Variants in VPS13B observed in about 807,000 individuals in gnomAD.
VPS13B encodes intermembrane lipid transfer protein VPS13B.
In VPS13B, 285 loss-of-function variants were observed where a neutral mutation model predicts 426.4. The observed-to-expected ratio is 0.67, with a 90% CI of 0.61 to 0.74. The LOEUF (loss-of-function observed/expected upper bound fraction) is 0.74. Ranked by LOEUF, VPS13B falls within the 30% of genes least tolerant of loss-of-function variation. The probability of loss-of-function intolerance (pLI) is 0.00; values close to 1 mark genes in which losing one functional copy is unlikely to be tolerated. For synonymous variants in VPS13B, 1,676 were observed against 1,676.4 expected, an observed-to-expected ratio of 1.00 and a Z score of 0.01; for missense variants, 4,537 against 4,782.6, an observed-to-expected ratio of 0.95 and a Z score of 1.51.
Position 99,871,583 on chromosome 8 carries a change from G to A in VPS13B, c.11631G>A (p.Glu3877=), listed in dbSNP as rs1183118795. 2.5e-6 allele frequency: 4 copies of A among 1,614,176 alleles called. No homozygotes were observed. The highest frequency in any genetic ancestry group is 3.4e-6 in the Non-Finnish European group (4 of 1,180,028). ...SEVLFVVSVS[E]DTQQQAFPVT... ...TGCTCTTCGTGGTGAGTGTCAGTGA[G>A]GACACACAGCAGCAGGCCTTCCCCG... The change falls in exon 61 of 62, where the codon GAG becomes GAA. Residue 3877 remains glutamate, a synonymous_variant. Transcript: ENST00000357162.
At chr8:99,103,825 A>G (rs984569200) in intron 5 of VPS13B, among the ~76,000 whole-genome samples, 1 of 151,900 alleles carries the variant, frequency 6.6e-6, no homozygotes, top group Non-Finnish European at 1.5e-5. Flanking sequence ...TTGTAGAGAC[A>G]AGGTTTTGCC....
At chr8:99,418,067 A>AT (rs1370193449) in intron 21 of VPS13B, among the ~76,000 whole-genome samples, 2 of 151,978 alleles carry the variant, frequency 1.3e-5, no homozygotes, top group Non-Finnish European at 2.9e-5. Flanking sequence ...GAGTTTTTTG[A>AT]TTTTTTGTTT....
chr8:99,768,253 A>G (rs1811325852), intron 40 of VPS13B, among the ~76,000 whole-genome samples: 1 of 152,070 alleles, frequency 6.6e-6, no homozygotes. Flanking sequence ...TTTATGTAAT[A>G]CCTTCTTCTT....
intron 3 of VPS13B, among the ~76,000 whole-genome samples, chr8:99,058,879 T>G (rs1844029723): frequency 6.6e-6 from 1 of 152,126 alleles, no homozygotes; most frequent in Non-Finnish European, 1.5e-5. Context: ...ATTTAGATTC[T>G]TTTCAGACTT....
chr8:99,234,860 T>TA (rs1402693850), intron 17 of VPS13B, among the ~76,000 whole-genome samples: 1 of 152,258 alleles, frequency 6.6e-6, no homozygotes, highest in African/African-American at 2.4e-5. Flanking sequence ...AAGATTGAAT[T>TA]AAAAGGAGAA....
chr8:99,572,677 C>T (rs1043955127), intron 31 of VPS13B, among the ~76,000 whole-genome samples: 9 of 152,152 alleles, frequency 5.9e-5, no homozygotes, highest in African/African-American at 1.9e-4. Context: ...GTATATGTGC[C>T]ACATTTTCTT....
intron 23 of VPS13B, among the ~76,000 whole-genome samples, chr8:99,465,702 T>C (rs1304925920): frequency 6.6e-6 from 1 of 152,120 alleles, no homozygotes; most frequent in Non-Finnish European, 1.5e-5. Context: ...ATTTTTTAAA[T>C]AGCATGGAAT....
chr8:99,170,081 G>A lies in VPS13B; in HGVS notation c.2251G>A (p.Gly751Arg). ...QAGLTSLDCS[G>R]SYCLPVPVIP... is the part of the protein sequence containing the mutation. ...AGGACTGACGTCTTTGGATTGCAGT[G>A]GATCTTACTGCTTACCTGTACCAGT... The change falls in exon 16 of 62, where the codon GGA becomes AGA. Residue 751 changes from glycine to arginine, a missense_variant. By Grantham distance (125) the Gly-to-Arg change is moderately radical. Transcript: ENST00000357162. 6.2e-7 allele frequency: 1 copy of A among 1,612,826 alleles called. No individual in the cohort carries two copies. Among genetic ancestry groups the A allele is most frequent in the Non-Finnish European group, 8.5e-7 (1 of 1,179,006 alleles).
intron 19 of VPS13B, among the ~76,000 whole-genome samples, chr8:99,358,002 T>TCACACACACACACA (rs34418547): frequency 2.8e-5 from 4 of 144,418 alleles, no homozygotes; most frequent in African/African-American, 1.0e-4. Flanking sequence ...GGATTAAATA[T>TCACACACACACACA]CACACACACA....
At chr8:99,848,439 T>G (rs1318156011) in intron 54 of VPS13B, among the ~76,000 whole-genome samples, 3 of 152,130 alleles carry the variant, frequency 2.0e-5, no homozygotes, top group Admixed American at 2.0e-4. Context: ...CCCACAAAGA[T>G]CCATATGCAC....
Position 99,238,178 on chromosome 8 carries a change from T to G in VPS13B, c.2516-36020T>G, listed in dbSNP as rs192517161. Among the ~76,000 whole-genome samples, 957 of 152,258 alleles carry G rather than the reference T, an allele frequency of 6.3e-3. 7 individuals are homozygous for G. The highest frequency in any genetic ancestry group is 0.022 in the African/African-American group (899 of 41,546). Reference sequence around the variant, plus strand: ...TTTATAATTTCAAAGTGCCCTATACTTCCACTGTCATAGTACTTATATTAA... The same window carrying G: ...TTTATAATTTCAAAGTGCCCTATACGTCCACTGTCATAGTACTTATATTAA... On this transcript the variant is annotated intron_variant, in intron 17 of 61. Coordinates refer to ENST00000357162, the MANE Select transcript of VPS13B (RefSeq NM_152564.5).
At chr8:99,609,515 A>G (rs920179724) in intron 33 of VPS13B, among the ~76,000 whole-genome samples, 8 of 152,168 alleles carry the variant, frequency 5.3e-5, no homozygotes, top group African/African-American at 7.2e-5. Context: ...GAAGTACCCA[A>G]TTTGGAGGAA....
chr8:99,470,001 C>T (rs548168182), intron 24 of VPS13B, among the ~76,000 whole-genome samples: 1 of 152,282 alleles, frequency 6.6e-6, no homozygotes, highest in South Asian at 2.1e-4. Flanking sequence ...GGATTGTACT[C>T]AGAATCTCAG....
intron 30 of VPS13B, among the ~76,000 whole-genome samples, chr8:99,533,262 A>G (rs1315181261): frequency 6.6e-6 from 1 of 152,172 alleles, no homozygotes; most frequent in Non-Finnish European, 1.5e-5. Context: ...TTTTAAAATC[A>G]TAGTTTACTA....
intron 3 of VPS13B, among the ~76,000 whole-genome samples, chr8:99,068,611 T>C (rs956123469): frequency 6.6e-6 from 1 of 152,190 alleles, no homozygotes; most frequent in Non-Finnish European, 1.5e-5. Flanking sequence ...AAAGAAAAGG[T>C]TTAATTGACT....
intron 23 of VPS13B, among the ~76,000 whole-genome samples, chr8:99,461,411 T>C (rs1316164335): frequency 2.6e-5 from 4 of 152,182 alleles, no homozygotes; most frequent in Non-Finnish European, 5.9e-5. Flanking sequence ...TCCAGCTCTT[T>C]GACATCTGAG....
chr8:99,059,291 C>A (rs774799863), intron 3 of VPS13B, among the ~76,000 whole-genome samples: 6 of 152,138 alleles, frequency 3.9e-5, no homozygotes, highest in Non-Finnish European at 5.9e-5. Flanking sequence ...CGGAAGCCAC[C>A]AATGCCCGGC....
chr8:99,348,429 A>G (rs1811666806), intron 19 of VPS13B, among the ~76,000 whole-genome samples: 1 of 152,254 alleles, frequency 6.6e-6, no homozygotes, highest in South Asian at 2.1e-4. Flanking sequence ...AGATGAAATC[A>G]AGATTGTTAA....
intron 21 of VPS13B, chr8:99,424,340 C>A (rs1816562286): frequency 6.6e-6 from 1 of 152,004 alleles, no homozygotes; most frequent in African/African-American, 2.4e-5. Flanking sequence ...ATACAGCACA[C>A]TGATGGGTCT....
Sources: allele counts gnomAD v4.1 joint callset (sites outside exome capture counted in the v4.1 genomes callset), GRCh38; gene constraint gnomAD v4.1.1; transcripts MANE v1.5; gene names NCBI Gene and HGNC (gene_info 2026-07-23, HGNC 2026-07-21).